The following CTNNA3 variants were observed in gnomAD, a reference collection of about 807,000 sequenced individuals.
CTNNA3 encodes the protein catenin alpha-3.
Under a neutral mutation model 95.7 loss-of-function variants are expected in CTNNA3, and 76 were observed. That is an observed-to-expected ratio of 0.79 (90% CI 0.66 to 0.96). The LOEUF is 0.96. Among genes scored for constraint, CTNNA3 ranks in the 40% least tolerant of loss-of-function variants. The pLI is 0.00. For missense variants in CTNNA3, 1,191 were observed against 1,089.8 expected, an observed-to-expected ratio of 1.09 and a Z score of -1.31; for synonymous variants, 431 against 374.4, an observed-to-expected ratio of 1.15 and a Z score of -1.74.
chr10:66,157,005 G>T (rs538464303), intron 13 of CTNNA3, among the ~76,000 whole-genome samples: 1 of 151,798 alleles, frequency 6.6e-6, no homozygotes, highest in African/African-American at 2.4e-5. Context: ...ATTTGCATTT[G>T]GGTTTTGGTT....
rs1480756218 is a variant in CTNNA3, at chr10:65,918,351, T to C, written c.*1979A>G. The C allele has an allele frequency of 6.6e-6, 1 of 152,176 alleles. No homozygotes were observed. Among genetic ancestry groups the C allele is most frequent in the East Asian group, 1.9e-4 (1 of 5,194 alleles). The allele number at this position is 152,176 out of a possible 1,614,324, so 9.4% of individuals were successfully genotyped here. On this transcript the variant is annotated 3_prime_UTR_variant, in exon 18 of 18. Transcript: ENST00000433211. Reference sequence around the variant, plus strand: ...TAGTTTGGTGATTTCAAAAAAATTTTCTATACAGCTGGTAGTTTGGTGATT... The same window carrying C: ...TAGTTTGGTGATTTCAAAAAAATTTCCTATACAGCTGGTAGTTTGGTGATT...
At chr10:66,271,591 C>T (rs2091282319) in intron 13 of CTNNA3, among the ~76,000 whole-genome samples, 1 of 152,196 alleles carries the variant, frequency 6.6e-6, no homozygotes, top group African/African-American at 2.4e-5. Context: ...CCCCATATTA[C>T]CCTTCCATTC....
rs573727021 is a variant in CTNNA3, at chr10:67,183,386, G to T, written c.844-2866C>A. On this transcript the variant is annotated intron_variant, in intron 6 of 17. Transcript: ENST00000433211. ...AAAAAATGATGAGTTCATGTCCTTT[G>T]TAGGGACATGGATGAAGCTGGAAAC... is the stretch of plus-strand genomic sequence containing the variant. Among the ~76,000 whole-genome samples, 1,289 of 152,222 alleles carry T rather than the reference G, an allele frequency of 8.5e-3. 28 individuals are homozygous for T. The highest frequency in any genetic ancestry group is 0.029 in the African/African-American group (1,215 of 41,524).
chr10:66,798,718 T>C (rs1435740654), intron 7 of CTNNA3, among the ~76,000 whole-genome samples: 7 of 151,618 alleles, frequency 4.6e-5, no homozygotes, highest in African/African-American at 1.7e-4. Flanking sequence ...GATTCTAGTA[T>C]CAGTATATAG....
At chr10:67,591,224 A>C (rs1842778759) in intron 3 of CTNNA3, among the ~76,000 whole-genome samples, 1 of 152,134 alleles carries the variant, frequency 6.6e-6, no homozygotes, top group African/African-American at 2.4e-5. Context: ...CTAGGAAGAA[A>C]TGTCTAGCCA....
At chr10:67,036,738 A>G (rs1398127253) in intron 7 of CTNNA3, among the ~76,000 whole-genome samples, 1 of 152,194 alleles carries the variant, frequency 6.6e-6, no homozygotes, top group Non-Finnish European at 1.5e-5. Flanking sequence ...TTTATGCAAT[A>G]AATATTATCT....
intron 10 of CTNNA3, among the ~76,000 whole-genome samples, chr10:66,608,671 A>T (rs1310172699): frequency 2.0e-5 from 3 of 152,166 alleles, no homozygotes; most frequent in Admixed American, 1.3e-4. Context: ...AAAAACTGAC[A>T]AAAAACAAGC....
At chr10:66,873,343 C>G (rs1247019521) in intron 7 of CTNNA3, among the ~76,000 whole-genome samples, 1 of 151,644 alleles carries the variant, frequency 6.6e-6, no homozygotes, top group Non-Finnish European at 1.5e-5. Flanking sequence ...TCTGCAGCCT[C>G]AACAGCATCT....
intron 13 of CTNNA3, among the ~76,000 whole-genome samples, chr10:66,149,660 C>T (rs1335531850): frequency 1.3e-5 from 2 of 151,746 alleles, no homozygotes; most frequent in African/African-American, 4.8e-5. Flanking sequence ...ATTTGATATA[C>T]TTTTACTTTA....
intron 11 of CTNNA3, among the ~76,000 whole-genome samples, chr10:66,436,121 T>G (rs868321806): frequency 1.3e-5 from 2 of 152,170 alleles, no homozygotes; most frequent in African/African-American, 4.8e-5. Flanking sequence ...AGAATAAGTA[T>G]GATTTGGTGC....
chr10:66,672,449 A>G, intron 9 of CTNNA3, among the ~76,000 whole-genome samples: 1 of 152,236 alleles, frequency 6.6e-6, no homozygotes, highest in Non-Finnish European at 1.5e-5. Context: ...GAAAGTAATA[A>G]AAATTAGGGA....
intron 7 of CTNNA3, among the ~76,000 whole-genome samples, chr10:67,036,474 G>GCCAA (rs1210134495): frequency 2.6e-5 from 4 of 152,140 alleles, no homozygotes; most frequent in African/African-American, 9.6e-5. Flanking sequence ...GATCAGCCTG[G>GCCAA]CCAACATGGT....
intron 5 of CTNNA3, among the ~76,000 whole-genome samples, chr10:67,232,324 T>C (rs1054103501): frequency 4.6e-5 from 7 of 152,038 alleles, no homozygotes; most frequent in Non-Finnish European, 7.4e-5. Flanking sequence ...CAGCAGAAAC[T>C]CTACAAGCCA....
intron 5 of CTNNA3, among the ~76,000 whole-genome samples, chr10:67,420,970 G>T (rs1845729500): frequency 6.6e-6 from 1 of 151,996 alleles, no homozygotes; most frequent in Admixed American, 6.6e-5. Flanking sequence ...AAAATAATGA[G>T]TATGCCACAG....
chr10:66,320,867 T>C (rs2092174001), intron 12 of CTNNA3, among the ~76,000 whole-genome samples: 1 of 152,140 alleles, frequency 6.6e-6, no homozygotes, highest in Non-Finnish European at 1.5e-5. Context: ...TTTGTTAAAG[T>C]GGCTGAGAAA....
At chr10:67,488,964 G>C (rs555282864) in intron 5 of CTNNA3, among the ~76,000 whole-genome samples, 1 of 152,162 alleles carries the variant, frequency 6.6e-6, no homozygotes, top group South Asian at 2.1e-4. Context: ...TCGAACTCCT[G>C]AGCTCAGGTG....
At chr10:65,956,239 C>T (rs1284811843) in intron 17 of CTNNA3, among the ~76,000 whole-genome samples, 8 of 152,082 alleles carry the variant, frequency 5.3e-5, no homozygotes, top group African/African-American at 1.7e-4. Flanking sequence ...GTGAGATCCC[C>T]TTTATCATTT....
intron 9 of CTNNA3, among the ~76,000 whole-genome samples, chr10:66,720,393 C>T (rs538281099): frequency 3.3e-5 from 5 of 152,310 alleles, no homozygotes; most frequent in Admixed American, 1.3e-4. Context: ...GTCAACTCAT[C>T]CTTTCATTTG....
intron 10 of CTNNA3, among the ~76,000 whole-genome samples, chr10:66,553,455 T>C (rs1374438417): frequency 2.0e-5 from 3 of 148,754 alleles, no homozygotes; most frequent in African/African-American, 7.4e-5. Flanking sequence ...TTTTTTTCAG[T>C]GATTACCCTA....
Sources: gnomAD v4.1 joint callset for allele counts (sites outside exome capture counted in the v4.1 genomes callset) on GRCh38, gnomAD v4.1.1 for gene constraint, MANE v1.5 for transcripts, NCBI Gene and HGNC (gene_info 2026-07-23, HGNC 2026-07-21) for gene names.